The following ZNF638 variants were observed in gnomAD, a reference collection of about 807,000 sequenced individuals.
ZNF638 encodes CTCL tumor antigen se33-1.
Under a neutral mutation model 195.6 loss-of-function variants are expected in ZNF638, and 46 were observed. The observed-to-expected ratio is 0.24, with a 90% CI of 0.19 to 0.30. The LOEUF (loss-of-function observed/expected upper bound fraction) is 0.30. ZNF638 is among the 10% of genes least tolerant of loss of function. The pLI is 1.00. For synonymous variants in ZNF638, 845 were observed against 772.0 expected, an observed-to-expected ratio of 1.09 and a Z score of -1.57; for missense variants, 2,440 against 2,325.3, an observed-to-expected ratio of 1.05 and a Z score of -1.01.
chr2:71,360,348 T>C (rs2079088042), intron 3 of ZNF638, among the ~76,000 whole-genome samples: 1 of 152,238 alleles, frequency 6.6e-6, no homozygotes, highest in South Asian at 2.1e-4. Flanking sequence ...TATTAGGATG[T>C]TCTGCATAAC....
intron 21 of ZNF638, 67 bp from the exon 22 acceptor site, chr2:71,422,747 C>T: frequency 1.3e-6 from 2 of 1,491,614 alleles, no homozygotes; most frequent in South Asian, 1.3e-5. Context: ...GTTGAATTCT[C>T]ATCATAGTTT....
chr2:71,399,649 A>G lies in ZNF638; in HGVS notation c.2587+4A>G, dbSNP rs745996025. 3 of 1,604,318 alleles carry G rather than the reference A, an allele frequency of 1.9e-6. No homozygotes were observed. The highest frequency in any genetic ancestry group is 2.6e-6 in the Non-Finnish European group (3 of 1,175,100). On this transcript the variant is annotated splice_donor_region_variant and intron_variant, in intron 13 of 27. Coordinates refer to ENST00000264447, the MANE Select transcript of ZNF638 (RefSeq NM_014497.5). Reference sequence around the variant, plus strand: ...AACAAACCTGTGACTATACCAGGTAAGCTTGAAATGTGGTCATTCAGTGCT... The same window carrying G: ...AACAAACCTGTGACTATACCAGGTAGGCTTGAAATGTGGTCATTCAGTGCT...
chr2:71,363,463 G>A (rs1389859726), intron 4 of ZNF638, among the ~76,000 whole-genome samples: 1 of 152,086 alleles, frequency 6.6e-6, no homozygotes, highest in Non-Finnish European at 1.5e-5. Context: ...TTGAATGCTA[G>A]GAGTGATATT....
intron 22 of ZNF638, among the ~76,000 whole-genome samples, chr2:71,424,291 TAA>T (rs76683427): frequency 6.8e-4 from 94 of 137,838 alleles, no homozygotes; most frequent in Admixed American, 8.0e-4. Flanking sequence ...AACTGTGGTT[TAA>T]AAAAAAAAAA....
At chr2:71,350,710 TG>T (rs1358162702) in intron 2 of ZNF638, among the ~76,000 whole-genome samples, 5 of 152,204 alleles carry the variant, frequency 3.3e-5, no homozygotes, top group Non-Finnish European at 2.9e-5. Flanking sequence ...ACACCTGTCT[TG>T]GGATAAAGAC....
At chr2:71,431,246 A>C (rs1176795354) in intron 25 of ZNF638, 81 bp from the exon 26 acceptor site, 10 of 1,256,416 alleles carry the variant, frequency 8.0e-6, no homozygotes, top group Non-Finnish European at 1.1e-5. Flanking sequence ...TGAGAAAGAA[A>C]AAGGTAAGAA....
At chr2:71,351,068 G>A (rs188342357) in intron 2 of ZNF638, among the ~76,000 whole-genome samples, 24 of 152,228 alleles carry the variant, frequency 1.6e-4, no homozygotes, top group Admixed American at 9.8e-4. Flanking sequence ...CGTATGGTTG[G>A]CAATCACTGT....
Position 71,422,909 on chromosome 2 carries a change from C to G in ZNF638, c.3395C>G (p.Thr1132Ser), listed in dbSNP as rs764834976. ...VKPNELEEES[T>S]PSIQTETLVQ... ...CCTAATGAGCTTGAAGAAGAAAGTA[C>G]TCCCAGCATTCAAACAGAAACTTTG... Residue 1132 changes from threonine (T) to serine (S), a missense_variant, in exon 22 of 28, where the codon ACT becomes AGT. By Grantham distance (58) the Thr-to-Ser change is moderately conservative. Around this residue, in one of 5 missense-constraint regions of ZNF638, gnomAD observed 1,883 missense variants for 1,739.1 expected, o/e 1.08. Transcript: ENST00000264447. 1 of 1,613,964 alleles carries G rather than the reference C, an allele frequency of 6.2e-7. No homozygotes were observed. Among genetic ancestry groups the G allele is most frequent in the African/African-American group, 1.3e-5 (1 of 74,932 alleles).
chr2:71,426,438 A>G lies in ZNF638; in HGVS notation c.4591-22A>G, dbSNP rs781206463. ...GTGGTCAAAATTTGTTTACAATACTATGATTTTTAACTTTCCAACAGGAGC... is the reference window on the plus strand; with the variant it reads ...GTGGTCAAAATTTGTTTACAATACTGTGATTTTTAACTTTCCAACAGGAGC... On this transcript the variant is annotated intron_variant, in intron 23 of 27. Coordinates refer to ENST00000264447, the MANE Select transcript of ZNF638 (RefSeq NM_014497.5). The G allele has an allele frequency of 2.0e-5, 31 of 1,526,128 alleles. No homozygotes were observed. In the South Asian group the frequency reaches 2.9e-4, roughly 14 times the overall value. The allele number at this position is 1,526,128 out of a possible 1,614,324, so 94.5% of individuals were successfully genotyped here. A position where few individuals can be genotyped will look rare whatever the true frequency, so the allele number is the denominator to read the frequency against.
At position 71,393,272 on chromosome 2, in the gene ZNF638, A is replaced by G. The variant is rs374550888; in HGVS notation, c.2378-2869A>G. Reference sequence around the variant, plus strand: ...ATCAACTATAGAAAAGCACCTTGCTAAAACCTCTCAAGACATAAAACCCGC... The same window carrying G: ...ATCAACTATAGAAAAGCACCTTGCTGAAACCTCTCAAGACATAAAACCCGC... On this transcript the variant is annotated intron_variant, in intron 10 of 27. Coordinates refer to ENST00000264447, the MANE Select transcript of ZNF638 (RefSeq NM_014497.5). The G allele has an allele frequency of 9.0e-5, 55 of 613,032 alleles. 2 individuals carry two copies. The East Asian group carries it at 1.4e-3, about 16-fold the overall frequency. 38.0% of individuals were successfully genotyped at this position (613,032 alleles called of 1,614,324 possible). A position where few individuals can be genotyped will look rare whatever the true frequency, so the allele number is the denominator to read the frequency against.
chr2:71,398,734 C>T lies in ZNF638; in HGVS notation c.2462C>T (p.Thr821Met), dbSNP rs141861784. Reference protein sequence around the residue: ...KSASSVKSVVTVAVKGNKASI... With the variant: ...KSASSVKSVVMVAVKGNKASI... ...GCAAGTTCTGTAAAATCTGTGGTAA[C>T]GGTAGCTGTTAAAGGTAATAAAGCT... Residue 821 changes from threonine (T) to methionine (M), a missense_variant, in exon 12 of 28, where the codon ACG becomes ATG. Physicochemically the swap from Thr to Met is moderately conservative, Grantham distance 81. Around this residue, in one of 5 missense-constraint regions of ZNF638, gnomAD observed 1,883 missense variants for 1,739.1 expected, o/e 1.08. Coordinates refer to ENST00000264447, the MANE Select transcript of ZNF638 (RefSeq NM_014497.5). 1.2e-5 allele frequency: 20 copies of T among 1,613,058 alleles called. No individual in the cohort carries two copies. Among genetic ancestry groups the T allele is most frequent in the South Asian group, 1.2e-4 (11 of 91,048 alleles).
chr2:71,374,433 T>C (rs947798898), intron 8 of ZNF638, among the ~76,000 whole-genome samples: 3 of 152,208 alleles, frequency 2.0e-5, no homozygotes, highest in Non-Finnish European at 2.9e-5. Context: ...TGTAGAGTTA[T>C]TTTTCTTTGT....
Position 71,403,699 on chromosome 2 carries a change from C to T in ZNF638, c.2830-171C>T, listed in dbSNP as rs78160186. On this transcript the variant is annotated intron_variant, in intron 16 of 27. Coordinates refer to ENST00000264447, the MANE Select transcript of ZNF638 (RefSeq NM_014497.5). ...ATTTCTTGCTTATGGTTGTAATATT[C>T]TTAGTCTTTGGGCCTCAATTTTCTG... 0.053 allele frequency among the ~76,000 whole-genome samples: 8,019 copies of T among 151,972 alleles called. 959 individuals are homozygous for T. The East Asian group carries it at 0.55, about 10-fold the overall frequency.
intron 11 of ZNF638, 39 bp from the exon 12 acceptor site, chr2:71,398,661 GT>G (rs2079944225): frequency 1.3e-6 from 2 of 1,535,128 alleles, no homozygotes; most frequent in African/African-American, 1.4e-5. Flanking sequence ...GTTGATACTA[GT>G]TAAGTAAACC....
rs760889866 is a variant in ZNF638, at chr2:71,408,254, T to C, written c.3261+7T>C. 3.1e-6 allele frequency: 5 copies of C among 1,605,912 alleles called. No homozygotes were observed. The highest frequency in any genetic ancestry group is 4.2e-6 in the Non-Finnish European group (5 of 1,177,540). On this transcript the variant is annotated splice_region_variant and intron_variant, in intron 20 of 27. Coordinates refer to ENST00000264447, the MANE Select transcript of ZNF638 (RefSeq NM_014497.5). ...AAAGATAGACTTACCAGAGGTAAGATTTATCTTTCTTCAGCTTTTGTGATT... is the reference window on the plus strand; with the variant it reads ...AAAGATAGACTTACCAGAGGTAAGACTTATCTTTCTTCAGCTTTTGTGATT...
At chr2:71,376,487 A>C (rs1383193241) in intron 8 of ZNF638, among the ~76,000 whole-genome samples, 2 of 152,190 alleles carry the variant, frequency 1.3e-5, no homozygotes, top group African/African-American at 4.8e-5. Flanking sequence ...AAGTTTTTCT[A>C]CCAGTGCAAG....
At chr2:71,375,010 A>C (rs1343867555) in intron 8 of ZNF638, 1 of 152,146 alleles carries the variant, frequency 6.6e-6, no homozygotes, top group East Asian at 1.9e-4. Flanking sequence ...AAGTTCTTGA[A>C]CATTTTGTGG....
rs559592460 is a variant in ZNF638 at position 71,351,744 on chromosome 2, A to C, written c.1317+1473A>C. The stretch of plus-strand genomic sequence containing the variant: ...TGGGGCAGAAATGAGGAACTGTGTA[A>C]AATTTTAGATGTTATTAAGCAGTTT... On this transcript the variant is annotated intron_variant, in intron 2 of 27. Coordinates refer to ENST00000264447, the MANE Select transcript of ZNF638 (RefSeq NM_014497.5). Among the ~76,000 whole-genome samples the C allele has an allele frequency of 2.3e-4, 35 of 152,276 alleles. 1 individual carries two copies. The South Asian group carries it at 7.2e-3, about 32-fold the overall frequency.
intron 1 of ZNF638, among the ~76,000 whole-genome samples, chr2:71,345,580 C>A (rs1326185517): frequency 6.6e-6 from 1 of 152,148 alleles, no homozygotes; most frequent in African/African-American, 2.4e-5. Context: ...TGAGGTCTCA[C>A]CATGTTGCCC....
Sources: gnomAD v4.1 joint callset for allele counts (sites outside exome capture counted in the v4.1 genomes callset) on GRCh38, gnomAD v4.1.1 for gene constraint, gnomAD v4.1.1 regional missense constraint, MANE v1.5 for transcripts, NCBI Gene and HGNC (gene_info 2026-07-23, HGNC 2026-07-21) for gene names.